The following GLB1L2 variants were observed in gnomAD, a reference collection of about 807,000 sequenced individuals.
GLB1L2 encodes the protein beta-galactosidase-1-like protein 2.
A neutral mutation model predicts 84.1 loss-of-function variants in GLB1L2; 68 were observed. The ratio of observed to expected loss-of-function variants is 0.81; its 90% confidence interval spans 0.67 to 0.99. The LOEUF is 0.99. GLB1L2 is among the 50% of genes least tolerant of loss of function. GLB1L2 has a pLI of 0.00. For missense variants in GLB1L2, 762 were observed against 805.6 expected, an observed-to-expected ratio of 0.95 and a Z score of 0.66; for synonymous variants, 290 against 318.0, an observed-to-expected ratio of 0.91 and a Z score of 0.94.
rs1241743041 is a variant in GLB1L2 at position 134,368,776 on chromosome 11, G to A, written c.1022G>A (p.Ser341Asn). Residue 341 changes from serine to asparagine, a missense_variant, in exon 10 of 19, where the codon AGC becomes AAC. Ser to Asn is a conservative substitution (Grantham distance 46). Coordinates refer to ENST00000535456, the MANE Select transcript of GLB1L2 (RefSeq NM_001370461.1). ...HFHDYKSDVT[S>N]YDYDAVLTEA... ...CATGACTACAAGTCAGATGTCACCA[G>A]CTATGGCAAGTATTCATCAGCACTG... 6.2e-7 allele frequency: 1 copy of A among 1,613,622 alleles called. No individual in the cohort carries two copies. Among genetic ancestry groups the A allele is most frequent in the South Asian group, 1.1e-5 (1 of 91,084 alleles).
At chr11:134,351,149 G>A (rs1943625282) in intron 5 of GLB1L2, among the ~76,000 whole-genome samples, 2 of 152,210 alleles carry the variant, frequency 1.3e-5, no homozygotes, top group East Asian at 1.9e-4. Context: ...TGAATATGAT[G>A]TTGACTGTGG....
rs10894800 is a variant in GLB1L2, at chr11:134,347,316, C to T, written c.450-9C>T. The T allele has an allele frequency of 0.086, 137,522 of 1,605,604 alleles. 8,105 individuals carry two copies. The highest frequency in any genetic ancestry group is 0.31 in the East Asian group (13,779 of 44,802). On this transcript the variant is annotated splice_polypyrimidine_tract_variant and intron_variant, in intron 4 of 18. Coordinates refer to ENST00000535456, the MANE Select transcript of GLB1L2 (RefSeq NM_001370461.1). ...TAACATCCTTCCTTTCCCCCGTTTA[C>T]ACTTCAAGCTGGCTACTCCAAGACC...
chr11:134,343,429 C>T (rs1024787323), intron 2 of GLB1L2, among the ~76,000 whole-genome samples: 17 of 152,178 alleles, frequency 1.1e-4, no homozygotes, highest in African/African-American at 3.9e-4. Flanking sequence ...AAATGTCGAA[C>T]TTGCAAATCA....
chr11:134,332,224 C>A, intron 1 of GLB1L2, 77 bp downstream of exon 1: 2 of 1,065,078 alleles, frequency 1.9e-6, no homozygotes, highest in African/African-American at 1.7e-5. Flanking sequence ...TCTCCTCCCG[C>A]GACCCGCGAA....
Position 134,339,437 on chromosome 11 carries a change from A to G in GLB1L2, c.87-3317A>G, listed in dbSNP as rs1348179565. ...TCCTTGGAGAAACCCAACACGTATC[A>G]TCCTCATTTTCTTGGTGAATCCATC... On this transcript the variant is annotated intron_variant, in intron 1 of 18. Coordinates refer to ENST00000535456, the MANE Select transcript of GLB1L2 (RefSeq NM_001370461.1). This position sits in a 1 kb window ranked among gnomAD's most constrained non-coding sequence, Gnocchi z 5.7. Among the ~76,000 whole-genome samples, 1 of 152,124 alleles carries G rather than the reference A, an allele frequency of 6.6e-6. No homozygotes were observed. The highest frequency in any genetic ancestry group is 2.4e-5 in the African/African-American group (1 of 41,388).
chr11:134,347,944 G>A (rs753037120), intron 5 of GLB1L2, among the ~76,000 whole-genome samples: 1 of 152,160 alleles, frequency 6.6e-6, no homozygotes. Context: ...TACCAAAAAG[G>A]TGCTGCATGG....
intron 2 of GLB1L2, among the ~76,000 whole-genome samples, chr11:134,343,558 T>G (rs888650262): frequency 1.3e-5 from 2 of 152,216 alleles, no homozygotes; most frequent in Non-Finnish European, 2.9e-5. Context: ...GGCTGGATTA[T>G]TCCATGTTTA....
rs927560713 is a variant in GLB1L2 at position 134,334,677 on chromosome 11, C to T, written c.86+2530C>T. On this transcript the variant is annotated intron_variant, in intron 1 of 18. Coordinates refer to ENST00000535456, the MANE Select transcript of GLB1L2 (RefSeq NM_001370461.1). This position sits in a 1 kb window ranked among gnomAD's most constrained non-coding sequence, Gnocchi z 4.1. The stretch of plus-strand genomic sequence containing the variant: ...CCTACTCCTCCCTGCTCCCCAGCCC[C>T]AAGCAACCACTGATCTGTTGCTTTC... Among the ~76,000 whole-genome samples the T allele has an allele frequency of 1.3e-5, 2 of 152,146 alleles. No homozygotes were observed. Among genetic ancestry groups the T allele is most frequent in the African/African-American group, 4.8e-5 (2 of 41,422 alleles).
At chr11:134,362,911 A>G (rs1275193623) in intron 7 of GLB1L2, among the ~76,000 whole-genome samples, 1 of 152,060 alleles carries the variant, frequency 6.6e-6, no homozygotes, top group Admixed American at 6.5e-5. Flanking sequence ...CTCCTAGACC[A>G]TTTACTGTCC....
intron 7 of GLB1L2, chr11:134,360,543 C>T (rs901121981): frequency 6.6e-6 from 1 of 152,208 alleles, no homozygotes; most frequent in South Asian, 2.1e-4. Flanking sequence ...TTGGCGGCCT[C>T]CCGGTTTCAG....
Position 134,370,336 on chromosome 11 carries a change from G to C in GLB1L2, c.1152G>C (p.Pro384=), listed in dbSNP as rs549529238. The part of the protein sequence containing the change: ...PPPPDLLPKM[P]YEPLTPVLYL... ...CACCTGACCTTCTTCCCAAGATGCC[G>C]TATGAGCCCTTAACGCCAGTCTTGT... The change falls in exon 12 of 19, where the codon CCG becomes CCC. Residue 384 remains proline, a synonymous_variant. Transcript: ENST00000535456. This position sits in a 1 kb window ranked among gnomAD's most constrained non-coding sequence, Gnocchi z 4.7. 3.7e-6 allele frequency: 6 copies of C among 1,613,888 alleles called. No individual in the cohort carries two copies. Among genetic ancestry groups the C allele is most frequent in the Non-Finnish European group, 5.1e-6 (6 of 1,179,950 alleles).
In GLB1L2 at chr11:134,339,000, G is replaced by A. The variant is rs1943428173; in HGVS notation, c.87-3754G>A. On this transcript the variant is annotated intron_variant, in intron 1 of 18. Coordinates refer to ENST00000535456, the MANE Select transcript of GLB1L2 (RefSeq NM_001370461.1). This position sits in a 1 kb window ranked among gnomAD's most constrained non-coding sequence, Gnocchi z 6.2. Reference sequence around the variant, plus strand: ...GGTGGAAAAATCGCTTTGGATAAATGAAGCCGAGATACATAGGCAACAGGA... The same window carrying A: ...GGTGGAAAAATCGCTTTGGATAAATAAAGCCGAGATACATAGGCAACAGGA... Among the ~76,000 whole-genome samples, 2 of 152,194 alleles carry A rather than the reference G, an allele frequency of 1.3e-5. No homozygotes were observed. The highest frequency in any genetic ancestry group is 1.3e-4 in the Admixed American group (2 of 15,284).
chr11:134,344,842 G>T (rs1351310456), intron 3 of GLB1L2, among the ~76,000 whole-genome samples, 192 bp from the exon 4 acceptor site: 2 of 152,246 alleles, frequency 1.3e-5, no homozygotes, highest in Non-Finnish European at 2.9e-5. Flanking sequence ...CCCCGATGGG[G>T]CTGTGCAGAG....
rs1943490081 is a variant in GLB1L2, at chr11:134,342,931, T to G, written c.264T>G (p.Cys88Trp). ...WRDRLLKMKA[C>W]GLNTLTTYVP... ...ACCGCCTGCTGAAGATGAAGGCCTG[T>G]GGCTTGAACACCCTCACCACGTAGG... Residue 88 changes from cysteine (C) to tryptophan (W), a missense_variant, in exon 2 of 19, where the codon TGT (cysteine) becomes TGG (tryptophan). Physicochemically the swap from Cys to Trp is radical, Grantham distance 215. Transcript: ENST00000535456. 1 of 1,612,968 alleles carries G rather than the reference T, an allele frequency of 6.2e-7. No homozygotes were observed. The highest frequency in any genetic ancestry group is 1.3e-5 in the African/African-American group (1 of 74,926).
At chr11:134,345,167 A>AT (rs779687820) in intron 4 of GLB1L2, 38 bp downstream of exon 4, 1 of 1,550,758 alleles carries the variant, frequency 6.4e-7, no homozygotes, top group East Asian at 2.3e-5. Flanking sequence ...TGCTGTGGCA[A>AT]AAAGCTCACA....
At position 134,370,366 on chromosome 11, in the gene GLB1L2, G is replaced by A. The variant is rs773473553; in HGVS notation, c.1182G>A (p.Leu394=). ...AGCCCTTAACGCCAGTCTTGTACCT[G>A]TCTCTGTGGGACGCCCTCAAGTACC... ...PYEPLTPVLY[L]SLWDALKYLG... is the part of the protein sequence containing the mutation. Residue 394 remains leucine, a synonymous_variant, in exon 12 of 19, where the codon CTG becomes CTA. Transcript: ENST00000535456. This position sits in a 1 kb window ranked among gnomAD's most constrained non-coding sequence, Gnocchi z 4.7. 1.5e-5 allele frequency: 25 copies of A among 1,613,812 alleles called. No individual in the cohort carries two copies. In the South Asian group the frequency reaches 2.7e-4, roughly 18 times the overall value.
Position 134,347,418 on chromosome 11 carries a change from G to C in GLB1L2, c.543G>C (p.Arg181Ser), listed in dbSNP as rs772234847. 1 of 1,612,936 alleles carries C rather than the reference G, an allele frequency of 6.2e-7. No individual in the cohort carries two copies. The highest frequency in any genetic ancestry group is 8.5e-7 in the Non-Finnish European group (1 of 1,178,928). ...TTTATTTTGACCACCTGATGTCCAG[G>C]GTGGTGCCACTCCAGGTACAAGCAA... is the stretch of plus-strand genomic sequence containing the variant. ...VDLYFDHLMS[R>S]VVPLQYKRGG... is the part of the protein sequence containing the mutation. Residue 181 changes from arginine to serine, a missense_variant, in exon 5 of 19, where the codon AGG (arginine) becomes AGC (serine). Physicochemically the swap from Arg to Ser is moderately radical, Grantham distance 110. This residue lies in a region of GLB1L2 where 603 missense variants were observed against 611.7 expected (regional missense o/e 0.99). Transcript: ENST00000535456.
At chr11:134,356,055 G>T (rs1161152062) in intron 5 of GLB1L2, 1 of 632,360 alleles carries the variant, frequency 1.6e-6, no homozygotes. Flanking sequence ...CACTTGTTTG[G>T]TTAGACACTT....
chr11:134,368,075 T>A lies in GLB1L2; in HGVS notation c.890-569T>A, dbSNP rs574850292. On this transcript the variant is annotated intron_variant, in intron 9 of 18. Transcript: ENST00000535456. Reference sequence around the variant, plus strand: ...GCTGCTGCTGAATGGGTGCACCCATTTCCCACAGATTCAGCAACACCGAGT... The same window carrying A: ...GCTGCTGCTGAATGGGTGCACCCATATCCCACAGATTCAGCAACACCGAGT... Among the ~76,000 whole-genome samples the A allele has an allele frequency of 2.1e-4, 32 of 152,314 alleles. No homozygotes were observed. In the East Asian group the frequency reaches 6.2e-3, roughly 29 times the overall value.
Sources: gnomAD v4.1 joint callset for allele counts (sites outside exome capture counted in the v4.1 genomes callset) on GRCh38, gnomAD v4.1.1 for gene constraint, gnomAD v4.1.1 regional missense constraint, Gnocchi (gnomAD v3.1) non-coding constraint, MANE v1.5 for transcripts, NCBI Gene and HGNC (gene_info 2026-07-23, HGNC 2026-07-21) for gene names.